TTC8: variants seen among roughly 807,000 people sequenced by gnomAD.
TTC8 encodes tetratricopeptide repeat domain 8, also known as tetratricopeptide repeat protein 8.
A neutral mutation model predicts 72.5 loss-of-function variants in TTC8; 47 were observed. That is an observed-to-expected ratio of 0.65 (90% CI 0.51 to 0.83). TTC8 has a LOEUF of 0.83. TTC8 is among the 40% of genes least tolerant of loss of function. The pLI is 0.00. For missense variants in TTC8, 611 were observed against 623.2 expected (o/e 0.98, Z 0.21); for synonymous variants, 199 against 221.4 (o/e 0.90, Z 0.90).
At chr14:88,829,125 C>T (rs1204107135) in intron 1 of TTC8, among the ~76,000 whole-genome samples, 1 of 151,850 alleles carries the variant, frequency 6.6e-6, no homozygotes, top group Admixed American at 6.6e-5. Flanking sequence ...AGAGGCCAGC[C>T]GGGGTCTGTA....
chr14:88,824,847 T>G, intron 1 of TTC8, 26 bp downstream of exon 1: 1 of 1,584,156 alleles, frequency 6.3e-7, no homozygotes, highest in Non-Finnish European at 8.6e-7. Context: ...CGTCAGCCTG[T>G]GCATCCTGAC....
In TTC8 at chr14:88,824,736, T is replaced by C. The variant is rs1595919610; in HGVS notation, c.29T>C (p.Leu10Pro). Residue 10 changes from leucine (L) to proline (P), a missense_variant, in exon 1 of 15, where the codon CTG becomes CCG. By Grantham distance (98) the Leu-to-Pro change is moderately conservative (BLOSUM62 -3). Coordinates refer to ENST00000380656, the MANE Select transcript of TTC8 (RefSeq NM_144596.4). ...AGCTCGGAGATGGAGCCGCTGCTCC[T>C]GGCCTGGAGCTATTTTAGGCGCAGG... is the stretch of plus-strand genomic sequence containing the variant. MSSEMEPLL[L>P]AWSYFRRRKF... The C allele has an allele frequency of 6.2e-7, 1 of 1,611,614 alleles. No individual in the cohort carries two copies. Among genetic ancestry groups the C allele is most frequent in the South Asian group, 1.1e-5 (1 of 90,522 alleles).
intron 5 of TTC8, 50 bp downstream of exon 5, chr14:88,841,246 A>C (rs1349854418): frequency 6.2e-7 from 1 of 1,610,106 alleles, no homozygotes; most frequent in East Asian, 2.2e-5. Context: ...GGTATTACCA[A>C]AGTAGCTTTA....
At chr14:88,836,239 G>A (rs115286953) in intron 2 of TTC8, among the ~76,000 whole-genome samples, 3,073 of 151,944 alleles carry the variant, frequency 0.02, 108 homozygotes, top group African/African-American at 0.069. Flanking sequence ...ACCTGTAAAC[G>A]CAGCACTTTA....
chr14:88,874,288 T>G (rs577347419), intron 13 of TTC8, among the ~76,000 whole-genome samples: 237 of 152,286 alleles, frequency 1.6e-3, no homozygotes, highest in African/African-American at 5.4e-3. Context: ...CAAATTTGTC[T>G]TCAGGGTCAT....
intron 2 of TTC8, among the ~76,000 whole-genome samples, chr14:88,838,385 C>T (rs993683745): frequency 2.6e-5 from 4 of 152,102 alleles, no homozygotes; most frequent in Non-Finnish European, 5.9e-5. Flanking sequence ...GAGTTCTTTA[C>T]GTGGGGACTT....
At chr14:88,856,165 A>T (rs935809848) in intron 8 of TTC8, among the ~76,000 whole-genome samples, 1 of 152,200 alleles carries the variant, frequency 6.6e-6, no homozygotes, top group South Asian at 2.1e-4. Context: ...CTTTGATAAC[A>T]TTTTATAAAT....
chr14:88,824,938 T>C, intron 1 of TTC8, 117 bp downstream of exon 1: 1 of 1,013,594 alleles, frequency 9.9e-7, no homozygotes, highest in Non-Finnish European at 1.5e-6. Flanking sequence ...GGCTGACCGT[T>C]CGGCCCTCGG....
At chr14:88,834,241 A>G (rs1008716080) in intron 2 of TTC8, among the ~76,000 whole-genome samples, 2 of 152,182 alleles carry the variant, frequency 1.3e-5, no homozygotes, top group African/African-American at 2.4e-5. Context: ...CAGTTTGGAT[A>G]AGGATAGGAG....
In TTC8 at chr14:88,842,076, A is replaced by G. The variant is rs529899324; in HGVS notation, c.579+562A>G. Reference sequence around the variant, plus strand: ...GGCAGAAGGAGAGGGAGAAAGGGAAAGAGAGGCAGAGGGAGAGAAAGAGAA... The same window carrying G: ...GGCAGAAGGAGAGGGAGAAAGGGAAGGAGAGGCAGAGGGAGAGAAAGAGAA... On this transcript the variant is annotated intron_variant, in intron 6 of 14. Coordinates refer to ENST00000380656, the MANE Select transcript of TTC8 (RefSeq NM_144596.4). Among the ~76,000 whole-genome samples the G allele has an allele frequency of 1.1e-3, 164 of 152,320 alleles. 1 individual carries two copies. The highest frequency in any genetic ancestry group is 0.01 in the Middle Eastern group (3 of 294).
At chr14:88,825,477 G>A (rs1394585291) in intron 1 of TTC8, among the ~76,000 whole-genome samples, 2 of 152,202 alleles carry the variant, frequency 1.3e-5, no homozygotes, top group Non-Finnish European at 2.9e-5. Context: ...TGATGGCATT[G>A]ATGAAAAGAG....
At position 88,871,721 on chromosome 14, in the gene TTC8, G is replaced by A. The variant is rs914473120; in HGVS notation, c.1222G>A (p.Val408Met). Residue 408 changes from valine to methionine, a missense_variant and splice_region_variant, in exon 12 of 15, where the codon GTG (valine) becomes ATG (methionine). By Grantham distance (21) the Val-to-Met change is conservative. Coordinates refer to ENST00000380656, the MANE Select transcript of TTC8 (RefSeq NM_144596.4). The surrounding 1 kb of genome is among the most constrained non-coding windows in gnomAD (Gnocchi z 4.1). Reference protein sequence around the residue: ...DVWYNLGHVAVGIGDTNLAHQ... With the variant: ...DVWYNLGHVAMGIGDTNLAHQ... ...CTGGTACAACTTGGGACATGTAGCT[G>A]TGGTATGTTGTCTTACTGATATAAT... 3 of 1,613,924 alleles carry A rather than the reference G, an allele frequency of 1.9e-6. No individual in the cohort carries two copies. The African/African-American group carries it at 4.0e-5, about 22-fold the overall frequency.
chr14:88,826,171 G>A (rs2094699338), intron 1 of TTC8, among the ~76,000 whole-genome samples: 1 of 151,360 alleles, frequency 6.6e-6, no homozygotes, highest in South Asian at 2.1e-4. Context: ...TGTATTTTTA[G>A]TAGAGACGGG....
At chr14:88,825,173 C>A (rs2094693492) in intron 1 of TTC8, among the ~76,000 whole-genome samples, 1 of 152,196 alleles carries the variant, frequency 6.6e-6, no homozygotes, top group South Asian at 2.1e-4. Context: ...TCAGCGTGTG[C>A]GTTGTTAATT....
chr14:88,866,687 T>G (rs1428883745), intron 10 of TTC8, among the ~76,000 whole-genome samples: 1 of 152,172 alleles, frequency 6.6e-6, no homozygotes, highest in Non-Finnish European at 1.5e-5. Context: ...CTGAAGAGAA[T>G]GTTTATAAAC....
chr14:88,843,819 A>G lies in TTC8; in HGVS notation c.593A>G (p.Tyr198Cys), dbSNP rs2094793506. The change falls in exon 7 of 15, where the codon TAT becomes TGT. Residue 198 changes from tyrosine to cysteine, a missense_variant. Coordinates refer to ENST00000380656, the MANE Select transcript of TTC8 (RefSeq NM_144596.4). ...KPKLAKALFE[Y>C]IFHHENDVKT... is the part of the protein sequence containing the mutation. ...TTTTCTTCACAGGCTTTGTTTGAGT[A>G]TATCTTTCATCATGAAAATGATGTT... The G allele has an allele frequency of 6.3e-7, 1 of 1,596,894 alleles. No homozygotes were observed. The highest frequency in any genetic ancestry group is 8.6e-7 in the Non-Finnish European group (1 of 1,169,448).
At chr14:88,847,308 C>T (rs968300042) in intron 7 of TTC8, among the ~76,000 whole-genome samples, 1 of 152,036 alleles carries the variant, frequency 6.6e-6, no homozygotes, top group African/African-American at 2.4e-5. Flanking sequence ...CCAGAGCTCC[C>T]TATAGCAAAC....
intron 7 of TTC8, among the ~76,000 whole-genome samples, chr14:88,849,564 A>G (rs1177912574): frequency 6.6e-6 from 1 of 152,214 alleles, no homozygotes; most frequent in Non-Finnish European, 1.5e-5. Flanking sequence ...TGGTGTTTAA[A>G]TATTAAGAAA....
intron 7 of TTC8, among the ~76,000 whole-genome samples, chr14:88,849,188 TA>T (rs774192890): frequency 1.4e-4 from 22 of 152,192 alleles, no homozygotes; most frequent in Non-Finnish European, 1.2e-4. Context: ...TGATGGGTGC[TA>T]GGGGTGCTGA....
Sources: allele counts gnomAD v4.1 joint callset (sites outside exome capture counted in the v4.1 genomes callset), GRCh38; gene constraint gnomAD v4.1.1; non-coding constraint Gnocchi (gnomAD v3.1); transcripts MANE v1.5; gene names NCBI Gene and HGNC (gene_info 2026-07-23, HGNC 2026-07-21).